Variants in RRM2 observed in about 807,000 individuals in gnomAD.
RRM2 encodes the protein ribonucleoside-diphosphate reductase subunit M2.
In RRM2, 6 loss-of-function variants were observed where a neutral mutation model predicts 45.9. That is an observed-to-expected ratio of 0.13 (90% confidence interval 0.07 to 0.26). The LOEUF (loss-of-function observed/expected upper bound fraction) is 0.26. RRM2 is among the 10% of genes least tolerant of loss of function. RRM2 has a pLI of 1.00. For synonymous variants in RRM2, 177 were observed against 173.0 expected (o/e 1.02, Z -0.18); for missense variants, 343 against 489.5 (o/e 0.70, Z 2.82).
At chr2:10,168,464 AG>A (rs1663727391) in intron 3 of RRM2, among the ~76,000 whole-genome samples, 1 of 152,056 alleles carries the variant, frequency 6.6e-6, no homozygotes, top group African/African-American at 2.4e-5. Flanking sequence ...CTTCTTGAAG[AG>A]GGGGTTTATG....
intron 5 of RRM2, among the ~76,000 whole-genome samples, chr2:10,125,124 A>G (rs774834312): frequency 7.2e-5 from 11 of 152,246 alleles, no homozygotes; most frequent in African/African-American, 2.7e-4. Flanking sequence ...AAGACAAACT[A>G]AAACCTATGT....
At chr2:10,135,893 C>A (rs1047966745), downstream of RRM2, among the ~76,000 whole-genome samples, 4 of 152,030 alleles carry the variant, frequency 2.6e-5, no homozygotes, top group Admixed American at 6.5e-5. Context: ...ACTGATGAGT[C>A]CTGGGCTCAG....
At chr2:10,141,412 GTGCTAGGA>G in exon 1 of RRM2, 1 of 200,500 alleles carries the variant, frequency 5.0e-6, no homozygotes, top group South Asian at 9.2e-5. Context: ...ATCTCATGCT[GTGCTAGGA>G]TGTTGTCCCC....
At chr2:10,125,790 G>A (rs1201205263) in intron 5 of RRM2, among the ~76,000 whole-genome samples, 1 of 152,106 alleles carries the variant, frequency 6.6e-6, no homozygotes, top group Non-Finnish European at 1.5e-5. Context: ...TACATGAAGA[G>A]GAAAAGTGGT....
intron 3 of RRM2, among the ~76,000 whole-genome samples, chr2:10,183,453 C>G (rs549600729): frequency 6.6e-6 from 1 of 152,338 alleles, no homozygotes; most frequent in South Asian, 2.1e-4. Flanking sequence ...TTGGGCCAGC[C>G]CGGCTCATCC....
chr2:10,122,752 C>T lies in RRM2; in HGVS notation c.-47C>T, dbSNP rs1662683407. On this transcript the variant is annotated 5_prime_UTR_variant, in exon 1 of 10. Transcript: ENST00000304567. ...GAGGGGTCGCCCGTGCACCCTGTCC[C>T]AGCCGTCCTGTCCTGGCTGCTCGCT... The T allele has an allele frequency of 1.9e-6, 3 of 1,557,214 alleles. No individual in the cohort carries two copies. Among genetic ancestry groups the T allele is most frequent in the African/African-American group, 1.4e-5 (1 of 73,514 alleles).
intron 3 of RRM2, among the ~76,000 whole-genome samples, chr2:10,174,655 C>A (rs1451804953): frequency 6.6e-6 from 1 of 151,624 alleles, no homozygotes; most frequent in Admixed American, 6.6e-5. Context: ...CCACCTGAAG[C>A]CAGGAGTTCC....
At chr2:10,155,633 GA>G in intron 3 of RRM2, 1 of 152,494 alleles carries the variant, frequency 6.6e-6, no homozygotes, top group South Asian at 2.1e-4. Context: ...TTCCAGTCCA[GA>G]ATGCCTCCTT....
At chr2:10,170,213 A>T (rs1043612800) in intron 3 of RRM2, among the ~76,000 whole-genome samples, 3 of 144,860 alleles carry the variant, frequency 2.1e-5, no homozygotes, top group African/African-American at 8.7e-5. Context: ...CAGTTTTCCC[A>T]ATTACCTTTC....
At chr2:10,166,115 T>A (rs1431822054) in intron 3 of RRM2, among the ~76,000 whole-genome samples, 1 of 152,322 alleles carries the variant, frequency 6.6e-6, no homozygotes. Flanking sequence ...GAGGGCAGCG[T>A]GGAGGACACC....
intron 3 of RRM2, among the ~76,000 whole-genome samples, chr2:10,144,067 T>C (rs1181864175): frequency 6.6e-6 from 1 of 152,212 alleles, no homozygotes; most frequent in African/African-American, 2.4e-5. Flanking sequence ...CTGCCATCAC[T>C]ATTCACGCAC....
At chr2:10,137,577 ACG>A (rs1278973924), upstream of RRM2, among the ~76,000 whole-genome samples, 12 of 152,226 alleles carry the variant, frequency 7.9e-5, no homozygotes, top group African/African-American at 2.9e-4. Flanking sequence ...TCTACCTGGG[ACG>A]CTCTGGGTAC....
rs1164940186 is a variant in RRM2, at chr2:10,171,600, A to AAGGAACAGGGTGATCTGGGAGCAG, written n.482+29226_482+29249dup. On this transcript the variant is annotated intron_variant and non_coding_transcript_variant, in intron 3 of 3. Coordinates refer to the RRM2 transcript ENST00000381786. This position sits in a 1 kb window ranked among gnomAD's most constrained non-coding sequence, Gnocchi z 4.1. Reference sequence around the variant, plus strand: ...TGTGAGACAGAGCTGATGCTGAACAAAGGAACAGGGTGATCTGGGAGCAGC... The same window carrying AAGGAACAGGGTGATCTGGGAGCAG: ...TGTGAGACAGAGCTGATGCTGAACAAAGGAACAGGGTGATCTGGGAGCAGAGGAACAGGGTGATCTGGGAGCAGC... Among the ~76,000 whole-genome samples, 23 of 152,298 alleles carry AAGGAACAGGGTGATCTGGGAGCAG rather than the reference A, an allele frequency of 1.5e-4. No individual in the cohort carries two copies. The highest frequency in any genetic ancestry group is 3.9e-4 in the Admixed American group (6 of 15,298).
At chr2:10,124,626 T>A in intron 4 of RRM2, 91 bp from the exon 5 acceptor site, 1 of 1,375,790 alleles carries the variant, frequency 7.3e-7, no homozygotes, top group Non-Finnish European at 1.0e-6. Flanking sequence ...AACCTTATAA[T>A]GGTACAAAGA....
At chr2:10,182,709 C>T (rs1664085888) in intron 3 of RRM2, among the ~76,000 whole-genome samples, 1 of 152,178 alleles carries the variant, frequency 6.6e-6, no homozygotes, top group Admixed American at 6.5e-5. Flanking sequence ...GGACCGGCAG[C>T]TACATATCAG....
Position 10,195,214 on chromosome 2 carries a change from G to C in RRM2, n.483-15097G>C, listed in dbSNP as rs1276786839. ...CACCGTCTGAGGGGTCATGTGACAGGTGGGCTAGGTGGGCACAGAATGGGA... is the reference window on the plus strand; with the variant it reads ...CACCGTCTGAGGGGTCATGTGACAGCTGGGCTAGGTGGGCACAGAATGGGA... On this transcript the variant is annotated intron_variant and non_coding_transcript_variant, in intron 3 of 3. Coordinates refer to the RRM2 transcript ENST00000381786. The surrounding 1 kb of genome is among the most constrained non-coding windows in gnomAD (Gnocchi z 4.9). Among the ~76,000 whole-genome samples, 2 of 152,202 alleles carry C rather than the reference G, an allele frequency of 1.3e-5. No homozygotes were observed. Among genetic ancestry groups the C allele is most frequent in the East Asian group, 1.9e-4 (1 of 5,188 alleles).
intron 3 of RRM2, among the ~76,000 whole-genome samples, chr2:10,152,936 G>A (rs1663347415): frequency 6.6e-6 from 1 of 152,198 alleles, no homozygotes; most frequent in African/African-American, 2.4e-5. Flanking sequence ...CTGACCAAAG[G>A]AAATTATATC....
chr2:10,161,249 G>A (rs1663549615), intron 3 of RRM2, among the ~76,000 whole-genome samples: 1 of 152,148 alleles, frequency 6.6e-6, no homozygotes, highest in African/African-American at 2.4e-5. Context: ...GGTAGAGACA[G>A]GGTTTCCTCG....
At chr2:10,165,736 T>A (rs1356417751) in intron 3 of RRM2, among the ~76,000 whole-genome samples, 2 of 152,196 alleles carry the variant, frequency 1.3e-5, no homozygotes, top group Non-Finnish European at 2.9e-5. Flanking sequence ...AGAGACTGGT[T>A]CACCCAGAGA....
Sources: allele counts gnomAD v4.1 joint callset (sites outside exome capture counted in the v4.1 genomes callset), GRCh38; gene constraint gnomAD v4.1.1; non-coding constraint Gnocchi (gnomAD v3.1); transcripts MANE v1.5; gene names NCBI Gene and HGNC (gene_info 2026-07-23, HGNC 2026-07-21).